The following VAT1L variants were observed in gnomAD, a reference collection of about 807,000 sequenced individuals.
The protein encoded by VAT1L is putative NADPH-dependent quinone oxidoreductase VAT1L.
Under a neutral mutation model 44.1 loss-of-function variants are expected in VAT1L, and 34 were observed. The ratio of observed to expected loss-of-function variants is 0.77; its 90% confidence interval spans 0.59 to 1.03. The LOEUF (loss-of-function observed/expected upper bound fraction) is 1.03, where lower values mean the gene tolerates loss of function less well. Ranked by LOEUF, VAT1L falls within the 50% of genes least tolerant of loss-of-function variation. The probability of loss-of-function intolerance (pLI) is 0.00; values close to 1 mark genes in which losing one functional copy is unlikely to be tolerated. For synonymous variants in VAT1L, 253 were observed against 202.2 expected, an observed-to-expected ratio of 1.25 and a Z score of -2.13; for missense variants, 615 against 538.8, an observed-to-expected ratio of 1.14 and a Z score of -1.40.
At chr16:77,804,636 T>C (rs2016122998) in intron 1 of VAT1L, among the ~76,000 whole-genome samples, 1 of 152,216 alleles carries the variant, frequency 6.6e-6, no homozygotes, top group Admixed American at 6.5e-5. Context: ...TCAGCCATGC[T>C]GGCCATCATG....
intron 1 of VAT1L, among the ~76,000 whole-genome samples, chr16:77,814,514 G>A (rs1597175041): frequency 6.6e-6 from 1 of 152,194 alleles, no homozygotes; most frequent in East Asian, 1.9e-4. Flanking sequence ...GCGAATGCAG[G>A]CAGCCCAGTT....
chr16:77,867,593 C>T (rs999682168), intron 4 of VAT1L, among the ~76,000 whole-genome samples: 1 of 152,070 alleles, frequency 6.6e-6, no homozygotes, highest in African/African-American at 2.4e-5. Flanking sequence ...TTTGGTGGCT[C>T]ATGCCTGTAA....
chr16:77,839,379 C>CA (rs2016677889), intron 3 of VAT1L, among the ~76,000 whole-genome samples: 1 of 151,068 alleles, frequency 6.6e-6, no homozygotes, highest in African/African-American at 2.4e-5. Flanking sequence ...ACTAAAAATA[C>CA]AAAAAAATCA....
chr16:77,846,540 C>T (rs1272291097), intron 3 of VAT1L, among the ~76,000 whole-genome samples: 1 of 152,172 alleles, frequency 6.6e-6, no homozygotes, highest in African/African-American at 2.4e-5. Flanking sequence ...AAACATTGAG[C>T]ATCAGCAGTT....
chr16:77,977,651 G>A lies in VAT1L; in HGVS notation c.1216G>A (p.Glu406Lys), dbSNP rs1419393520. 1.2e-5 allele frequency: 19 copies of A among 1,614,000 alleles called. No individual in the cohort carries two copies. Among genetic ancestry groups the A allele is most frequent in the South Asian group, 2.2e-5 (2 of 91,070 alleles). The change falls in exon 9 of 9, where the codon GAG becomes AAG. Residue 406 changes from glutamate (E) to lysine (K), a missense_variant. Glu to Lys is a moderately conservative substitution (Grantham distance 56). Transcript: ENST00000302536. ...SEAGEEEEDH[E>K]GDSENKERMP... ...AGCAGGGGAAGAGGAGGAGGACCAC[G>A]AGGGAGACAGCGAGAACAAGGAGCG...
At chr16:77,846,840 A>T (rs1289360409) in intron 3 of VAT1L, among the ~76,000 whole-genome samples, 2 of 152,012 alleles carry the variant, frequency 1.3e-5, no homozygotes. Flanking sequence ...ATCAGGGTAT[A>T]TAGTGGTGTA....
chr16:77,903,410 A>G (rs932899318), intron 7 of VAT1L, among the ~76,000 whole-genome samples: 1 of 152,206 alleles, frequency 6.6e-6, no homozygotes, highest in South Asian at 2.1e-4. Context: ...CTCATATAAT[A>G]CAGTCTTCCT....
At chr16:77,841,476 T>C (rs1224647322) in intron 3 of VAT1L, among the ~76,000 whole-genome samples, 1 of 152,204 alleles carries the variant, frequency 6.6e-6, no homozygotes, top group Non-Finnish European at 1.5e-5. Context: ...TGTTGACCCA[T>C]TACACATGAC....
chr16:77,797,165 G>A (rs571270507), intron 1 of VAT1L, among the ~76,000 whole-genome samples: 2 of 151,456 alleles, frequency 1.3e-5, no homozygotes, highest in African/African-American at 2.4e-5. Flanking sequence ...AGGCTGGAGT[G>A]CAATGGCGCT....
intron 7 of VAT1L, among the ~76,000 whole-genome samples, chr16:77,910,448 G>A (rs1038774500): frequency 2.6e-5 from 4 of 152,114 alleles, no homozygotes; most frequent in East Asian, 1.9e-4. Flanking sequence ...CGAGGCGGGC[G>A]AATCACAAGG....
At chr16:77,845,625 C>T (rs930206503) in intron 3 of VAT1L, among the ~76,000 whole-genome samples, 7 of 152,012 alleles carry the variant, frequency 4.6e-5, no homozygotes, top group African/African-American at 1.7e-4. Context: ...ACACAAACAC[C>T]TCTCCTCATC....
At chr16:77,887,213 A>G (rs1379229276) in intron 7 of VAT1L, among the ~76,000 whole-genome samples, 4 of 152,328 alleles carry the variant, frequency 2.6e-5, no homozygotes, top group South Asian at 2.1e-4. Flanking sequence ...CATTATTGTG[A>G]GCCAAGGAGG....
rs766221127 is a variant in VAT1L, at chr16:77,979,345, C to G, written c.*1650C>G. On this transcript the variant is annotated 3_prime_UTR_variant, in exon 9 of 9. Transcript: ENST00000302536. ...TCCCAAAGGAGGACACCAGCATCAT[C>G]TTTTCTTCGTACTCCAGGACCCACC... 1.3e-5 allele frequency: 2 copies of G among 152,216 alleles called. No individual in the cohort carries two copies. The highest frequency in any genetic ancestry group is 6.5e-5 in the Admixed American group (1 of 15,276). The allele number at this position is 152,216 out of a possible 1,614,324, so 9.4% of individuals were successfully genotyped here.
Position 77,926,488 on chromosome 16 carries a change from A to T in VAT1L, c.1077+41686A>T, listed in dbSNP as rs1207995523. 3.3e-5 allele frequency among the ~76,000 whole-genome samples: 5 copies of T among 151,724 alleles called. No homozygotes were observed. The South Asian group carries it at 1.0e-3, about 32-fold the overall frequency. On this transcript the variant is annotated intron_variant, in intron 7 of 8. Transcript: ENST00000302536. ...AATCCCAGCTACTCAAGAGGCTGAG[A>T]CAGGAGAATCGCTTGAACCTGGGAG...
chr16:77,928,030 C>T (rs1331726222), intron 7 of VAT1L, among the ~76,000 whole-genome samples: 1 of 152,180 alleles, frequency 6.6e-6, no homozygotes, highest in Admixed American at 6.5e-5. Flanking sequence ...CTCTTCCATA[C>T]AATATCAGAA....
At chr16:77,801,367 A>AG (rs1472664254) in intron 1 of VAT1L, 1 of 152,228 alleles carries the variant, frequency 6.6e-6, no homozygotes, top group Non-Finnish European at 1.5e-5. Context: ...GAGCTAAAAA[A>AG]AGAACATTCA....
chr16:77,834,301 A>G (rs2016615506), intron 3 of VAT1L, among the ~76,000 whole-genome samples: 1 of 152,214 alleles, frequency 6.6e-6, no homozygotes, highest in Non-Finnish European at 1.5e-5. Context: ...CCTGTTCTAT[A>G]GAAGCTTTGT....
intron 3 of VAT1L, 61 bp from the exon 4 acceptor site, chr16:77,862,687 C>G (rs2016928104): frequency 4.7e-6 from 7 of 1,490,684 alleles, no homozygotes; most frequent in Non-Finnish European, 6.4e-6. Context: ...CTACACCCAG[C>G]AAGACTGGCT....
At chr16:77,894,307 G>C (rs2017298578) in intron 7 of VAT1L, among the ~76,000 whole-genome samples, 1 of 152,246 alleles carries the variant, frequency 6.6e-6, no homozygotes, top group Admixed American at 6.5e-5. Flanking sequence ...AGTCCATAGA[G>C]AAACAGCCTT....
Sources: gnomAD v4.1 joint callset for allele counts (sites outside exome capture counted in the v4.1 genomes callset) on GRCh38, gnomAD v4.1.1 for gene constraint, MANE v1.5 for transcripts, NCBI Gene and HGNC (gene_info 2026-07-23, HGNC 2026-07-21) for gene names.